The following PLD5 variants were observed in gnomAD, a reference collection of about 807,000 sequenced individuals.
The protein encoded by PLD5 is phospholipase D family member 5, also known as inactive phospholipase D5.
In PLD5, 36 loss-of-function variants were observed where a neutral mutation model predicts 61.1. The observed-to-expected ratio is 0.59, with a 90% CI of 0.45 to 0.78. PLD5 has a LOEUF of 0.78. Ranked by LOEUF, PLD5 falls within the 30% of genes least tolerant of loss-of-function variation. The pLI is 0.00. For missense variants in PLD5, 515 were observed against 644.4 expected, an observed-to-expected ratio of 0.80 and a Z score of 2.17; for synonymous variants, 243 against 242.8, an observed-to-expected ratio of 1.00 and a Z score of -0.01.
At chr1:242,419,014 C>G (rs571153062) in intron 1 of PLD5, among the ~76,000 whole-genome samples, 18 of 152,296 alleles carry the variant, frequency 1.2e-4, no homozygotes, top group African/African-American at 3.6e-4. Context: ...ATAAGTGGGA[C>G]TTCACACAGA....
chr1:242,083,792 C>A lies in PLD5; in HGVS notation c.*6062G>T, dbSNP rs913384786. The A allele has an allele frequency of 3.3e-5, 5 of 152,298 alleles. No homozygotes were observed. The highest frequency in any genetic ancestry group is 2.1e-4 in the South Asian group (1 of 4,828). The allele number at this position is 152,298 out of a possible 1,614,324, so 9.4% of individuals were successfully genotyped here. A position where few individuals can be genotyped will look rare whatever the true frequency, so the allele number is the denominator to read the frequency against. On this transcript the variant is annotated 3_prime_UTR_variant, in exon 10 of 10. Transcript: ENST00000536534. ...AGTTGTCTTTAAAGATCTTCATCCTCTATTTATATTGGAAAGTAACATATA... is the reference window on the plus strand; with the variant it reads ...AGTTGTCTTTAAAGATCTTCATCCTATATTTATATTGGAAAGTAACATATA...
chr1:242,475,706 C>T (rs1041288408), intron 1 of PLD5, among the ~76,000 whole-genome samples: 16 of 152,076 alleles, frequency 1.1e-4, no homozygotes, highest in African/African-American at 3.9e-4. Context: ...TCTCAGAATG[C>T]CACTGTGTTT....
chr1:242,429,984 G>A (rs1018570118), intron 1 of PLD5, among the ~76,000 whole-genome samples: 1 of 152,090 alleles, frequency 6.6e-6, no homozygotes, highest in African/African-American at 2.4e-5. Context: ...TGTCTAGCTT[G>A]ACCACAGAAA....
At chr1:242,430,141 G>A (rs891770797) in intron 1 of PLD5, among the ~76,000 whole-genome samples, 7 of 151,618 alleles carry the variant, frequency 4.6e-5, no homozygotes, top group East Asian at 1.9e-4. Flanking sequence ...CATGGATGTC[G>A]GGCCTAGCAC....
In PLD5 at chr1:242,394,282, ATATATATGAGTATATATATGAG is replaced by A. The variant is rs1663224076; in HGVS notation, c.190-46062_190-46041del. ...TATGAGTATGAGTATATATATGTGT[ATATATATGAGTATATATATGAG>A]TATATATGTGTGTATATATGAGTAT... is the stretch of plus-strand genomic sequence containing the variant. On this transcript the variant is annotated intron_variant, in intron 1 of 9. Transcript: ENST00000536534. 3.2e-5 allele frequency among the ~76,000 whole-genome samples: 3 copies of A among 94,462 alleles called. No individual in the cohort carries two copies. In the East Asian group the frequency reaches 8.6e-4, roughly 27 times the overall value. The allele number at this position is 94,462 out of a possible 152,430, so 62.0% of individuals were successfully genotyped here. A position where few individuals can be genotyped will look rare whatever the true frequency, so the allele number is the denominator to read the frequency against.
rs552823405 is a variant in PLD5 at position 242,313,149 on chromosome 1, C to A, written c.327-24619G>T. Among the ~76,000 whole-genome samples the A allele has an allele frequency of 3.9e-4, 60 of 152,344 alleles. 1 individual carries two copies. In the South Asian group the frequency reaches 0.011, roughly 27 times the overall value. Reference sequence around the variant, plus strand: ...TTTGGCCACTATCATAAAAATAGTACAATTGCAGAGTATAAATTTAGTTCC... The same window carrying A: ...TTTGGCCACTATCATAAAAATAGTAAAATTGCAGAGTATAAATTTAGTTCC... On this transcript the variant is annotated intron_variant, in intron 2 of 9. Coordinates refer to ENST00000536534, the MANE Select transcript of PLD5 (RefSeq NM_001372062.1).
At chr1:242,300,529 G>T (rs113556584) in intron 2 of PLD5, among the ~76,000 whole-genome samples, 1 of 151,886 alleles carries the variant, frequency 6.6e-6, no homozygotes, top group South Asian at 2.1e-4. Context: ...GAACATCAGG[G>T]AGGCCAATGT....
intron 1 of PLD5, among the ~76,000 whole-genome samples, chr1:242,472,318 G>C (rs1667470008): frequency 1.3e-5 from 2 of 152,166 alleles, no homozygotes; most frequent in Non-Finnish European, 2.9e-5. Context: ...AGCACACTTT[G>C]TTTGCTTCGA....
chr1:242,398,759 C>T (rs1663750255), intron 1 of PLD5, among the ~76,000 whole-genome samples: 2 of 152,174 alleles, frequency 1.3e-5, no homozygotes, highest in Admixed American at 6.5e-5. Context: ...ATGCAAAAGC[C>T]TTTTGCGAAC....
chr1:242,431,278 A>G (rs1665706539), intron 1 of PLD5, among the ~76,000 whole-genome samples: 2 of 152,236 alleles, frequency 1.3e-5, no homozygotes, highest in South Asian at 4.1e-4. Context: ...GCTGCATAAA[A>G]TAAGCCTGGG....
At chr1:242,166,233 C>A (rs1398958537) in intron 5 of PLD5, among the ~76,000 whole-genome samples, 2 of 152,204 alleles carry the variant, frequency 1.3e-5, no homozygotes, top group Admixed American at 1.3e-4. Flanking sequence ...CATCTGCCAG[C>A]ATAAACAAGC....
intron 1 of PLD5, among the ~76,000 whole-genome samples, chr1:242,349,945 G>A (rs2149222439): frequency 6.6e-6 from 1 of 152,260 alleles, no homozygotes; most frequent in East Asian, 1.9e-4. Flanking sequence ...GGCTGGGGTT[G>A]GAAGACTGCT....
chr1:242,107,617 A>G, intron 8 of PLD5, 54 bp downstream of exon 8: 1 of 1,468,474 alleles, frequency 6.8e-7, no homozygotes, highest in Non-Finnish European at 9.1e-7. Context: ...GCTTTCACAC[A>G]CATGCAGAGG....
chr1:242,407,987 T>C (rs1430539459), intron 1 of PLD5, among the ~76,000 whole-genome samples: 1 of 152,222 alleles, frequency 6.6e-6, no homozygotes, highest in Non-Finnish European at 1.5e-5. Flanking sequence ...ACGTAGCTAT[T>C]AATATTTTTT....
intron 1 of PLD5, among the ~76,000 whole-genome samples, chr1:242,452,323 A>C (rs552843644): frequency 1.6e-4 from 25 of 152,228 alleles, no homozygotes; most frequent in Non-Finnish European, 5.9e-5. Flanking sequence ...TGATATGAAA[A>C]ATTGTTTGGC....
intron 5 of PLD5, among the ~76,000 whole-genome samples, chr1:242,198,286 T>G (rs978104716): frequency 6.6e-6 from 1 of 152,164 alleles, no homozygotes; most frequent in Non-Finnish European, 1.5e-5. Flanking sequence ...GAGTCTAGTC[T>G]TTAAATTTGG....
intron 2 of PLD5, among the ~76,000 whole-genome samples, chr1:242,301,551 A>G (rs1406462373): frequency 6.6e-6 from 1 of 152,108 alleles, no homozygotes; most frequent in African/African-American, 2.4e-5. Context: ...TCAACACCAG[A>G]GACAACTTTA....
intron 1 of PLD5, among the ~76,000 whole-genome samples, chr1:242,364,248 A>C (rs1331932847): frequency 6.6e-6 from 1 of 152,178 alleles, no homozygotes; most frequent in Non-Finnish European, 1.5e-5. Flanking sequence ...GAACAAGTAA[A>C]TAACATATCA....
chr1:242,263,109 C>T (rs1673465873), intron 4 of PLD5, among the ~76,000 whole-genome samples: 1 of 152,158 alleles, frequency 6.6e-6, no homozygotes, highest in East Asian at 1.9e-4. Flanking sequence ...GTCAGAAGGG[C>T]CTTGGCCAGC....
Sources: gnomAD v4.1 joint callset for allele counts (sites outside exome capture counted in the v4.1 genomes callset) on GRCh38, gnomAD v4.1.1 for gene constraint, MANE v1.5 for transcripts, NCBI Gene and HGNC (gene_info 2026-07-23, HGNC 2026-07-21) for gene names.